Variants in WDR26 observed in about 807,000 individuals in gnomAD.
WDR26 encodes the protein WD repeat domain 26, also known as WD repeat-containing protein 26.
Under a neutral mutation model 84.1 loss-of-function variants are expected in WDR26, and 5 were observed. The observed-to-expected ratio is 0.06, with a 90% CI of 0.03 to 0.13. The LOEUF is 0.13. Ranked by LOEUF, WDR26 falls within the 10% of genes least tolerant of loss-of-function variation. WDR26 has a pLI of 1.00. For synonymous variants in WDR26, 415 were observed against 389.6 expected, an observed-to-expected ratio of 1.07 and a Z score of -0.77; for missense variants, 642 against 974.9, an observed-to-expected ratio of 0.66 and a Z score of 4.55.
At chr1:224,412,762 C>A (rs940812130) in intron 6 of WDR26, 6 of 152,156 alleles carry the variant, frequency 3.9e-5, no homozygotes, top group African/African-American at 1.4e-4. Flanking sequence ...TGAAATGTGG[C>A]CAGTAAGCTG....
chr1:224,415,664 T>C (rs1037485226), intron 6 of WDR26, among the ~76,000 whole-genome samples: 5 of 152,074 alleles, frequency 3.3e-5, no homozygotes, highest in Non-Finnish European at 5.9e-5. Context: ...GGTTACACCA[T>C]TTTAGCCAGG....
chr1:224,423,510 C>A (rs1412460333), intron 4 of WDR26, among the ~76,000 whole-genome samples: 3 of 152,128 alleles, frequency 2.0e-5, no homozygotes, highest in Non-Finnish European at 1.5e-5. Context: ...CCTTGGGAGG[C>A]CGAAGCAGGT....
chr1:224,404,129 G>A (rs1242466190), intron 8 of WDR26, among the ~76,000 whole-genome samples: 1 of 152,160 alleles, frequency 6.6e-6, no homozygotes, highest in African/African-American at 2.4e-5. Flanking sequence ...ATGTACAATT[G>A]TGAAACTATG....
chr1:224,433,840 G>A lies in WDR26; in HGVS notation c.566C>T (p.Ser189Leu), dbSNP rs1558450796. The change falls in exon 1 of 14, where the codon TCA (serine) becomes TTA (leucine). Residue 189 changes from serine (S) to leucine (L), a missense_variant. Physicochemically the swap from Ser to Leu is moderately radical, Grantham distance 145. Transcript: ENST00000414423. ...GGCGGAGGCAGCTGCGACGGTGGCT[G>A]AGGATGCGGCGGCCGCCCCGCCGGG... 3 of 1,536,910 alleles carry A rather than the reference G, an allele frequency of 2.0e-6. No individual in the cohort carries two copies. Among genetic ancestry groups the A allele is most frequent in the Middle Eastern group, 1.7e-4 (1 of 5,986 alleles).
At chr1:224,421,483 G>T in intron 4 of WDR26, among the ~76,000 whole-genome samples, 1 of 152,146 alleles carries the variant, frequency 6.6e-6, no homozygotes, top group East Asian at 1.9e-4. Flanking sequence ...CCAGCTACTT[G>T]GGAGGCTGAG....
intron 1 of WDR26, among the ~76,000 whole-genome samples, chr1:224,433,382 G>C (rs1307151043): frequency 2.6e-5 from 4 of 152,102 alleles, no homozygotes; most frequent in Non-Finnish European, 1.5e-5. Flanking sequence ...ATTAAGCTCT[G>C]AAGGTGCGTG....
intron 11 of WDR26, 141 bp downstream of exon 11, chr1:224,398,374 T>C: frequency 6.3e-6 from 8 of 1,271,680 alleles, no homozygotes; most frequent in South Asian, 1.5e-5. Context: ...TGGTTGATTA[T>C]ACACATTTAA....
At chr1:224,416,563 C>G (rs1349887968) in intron 6 of WDR26, among the ~76,000 whole-genome samples, 1 of 152,140 alleles carries the variant, frequency 6.6e-6, no homozygotes, top group Non-Finnish European at 1.5e-5. Flanking sequence ...AGAGCTTGGT[C>G]CCTGACCTGA....
rs945677011 is a variant in WDR26 at position 224,407,597 on chromosome 1, C to T, written c.1459-3027G>A. Reference sequence around the variant, plus strand: ...AATCTCAATTCATTGCACCCTCCGCCTCCCAGGTTCAAGCAATTCTCCTGC... The same window carrying T: ...AATCTCAATTCATTGCACCCTCCGCTTCCCAGGTTCAAGCAATTCTCCTGC... On this transcript the variant is annotated intron_variant, in intron 7 of 13. Coordinates refer to ENST00000414423, the MANE Select transcript of WDR26 (RefSeq NM_001379403.1). 4.0e-5 allele frequency among the ~76,000 whole-genome samples: 6 copies of T among 151,516 alleles called. No individual in the cohort carries two copies. In the East Asian group the frequency reaches 7.8e-4, roughly 20 times the overall value.
chr1:224,398,305 T>C, intron 11 of WDR26, 79 bp from the exon 12 acceptor site: 1 of 1,521,336 alleles, frequency 6.6e-7, no homozygotes, highest in Non-Finnish European at 8.8e-7. Context: ...AATATCCCTT[T>C]GCCTGATGAA....
At chr1:224,410,694 C>CTTTTTTTT (rs397983007) in intron 7 of WDR26, among the ~76,000 whole-genome samples, 22 of 118,936 alleles carry the variant, frequency 1.8e-4, no homozygotes, top group South Asian at 5.4e-4. Context: ...ATCTTTCTTT[C>CTTTTTTTT]TTTTTTTTTT....
chr1:224,396,999 C>A (rs1445456775), intron 12 of WDR26, among the ~76,000 whole-genome samples: 4 of 152,110 alleles, frequency 2.6e-5, no homozygotes, highest in Non-Finnish European at 4.4e-5. Flanking sequence ...TTAAATATGC[C>A]TTATTCTTAA....
intron 4 of WDR26, among the ~76,000 whole-genome samples, chr1:224,424,079 T>C (rs1674144600): frequency 6.6e-6 from 1 of 152,098 alleles, no homozygotes; most frequent in African/African-American, 2.4e-5. Context: ...CTGATGTTGA[T>C]GTGAGGATTA....
At position 224,398,143 on chromosome 1, in the gene WDR26, T is replaced by G; in HGVS notation, c.2028A>C (p.Ser676=). ...AGTCTTCATTATGGCCTCCAAAACATGAATGAATTGTATAAAACCCTTGTG... is the reference window on the plus strand; with the variant it reads ...AGTCTTCATTATGGCCTCCAAAACAGGAATGAATTGTATAAAACCCTTGTG... The change falls in exon 12 of 14, where the codon TCA becomes TCC. Residue 676 remains serine, a synonymous_variant. Coordinates refer to ENST00000414423, the MANE Select transcript of WDR26 (RefSeq NM_001379403.1). 6.2e-7 allele frequency: 1 copy of G among 1,613,706 alleles called. No individual in the cohort carries two copies. Among genetic ancestry groups the G allele is most frequent in the East Asian group, 2.2e-5 (1 of 44,816 alleles).
chr1:224,433,609 C>CCCCCCCCA, intron 1 of WDR26, 75 bp downstream of exon 1: 1 of 750,716 alleles, frequency 1.3e-6, no homozygotes, highest in Non-Finnish European at 1.8e-6. Context: ...CTCCCCCCTC[C>CCCCCCCCA]GCCCCTTCCC....
intron 3 of WDR26, among the ~76,000 whole-genome samples, chr1:224,427,752 G>A (rs1674270281): frequency 6.6e-6 from 1 of 152,090 alleles, no homozygotes; most frequent in African/African-American, 2.4e-5. Context: ...ATACGATAAG[G>A]GTGGGGAGTA....
chr1:224,421,353 G>A (rs1172960673), intron 4 of WDR26, among the ~76,000 whole-genome samples: 1 of 152,134 alleles, frequency 6.6e-6, no homozygotes, highest in Non-Finnish European at 1.5e-5. Context: ...TGGGAGATGA[G>A]GCAGGAGGAT....
At position 224,388,638 on chromosome 1, in the gene WDR26, CTA is replaced by C. The variant is rs981743139; in HGVS notation, c.*1195_*1196del. On this transcript the variant is annotated 3_prime_UTR_variant, in exon 14 of 14. Transcript: ENST00000414423. ...AAATATTCTTTAAATTTATGTATCC[CTA>C]TATGTCAAAATATTAAGGGCAATTA... 5 of 152,518 alleles carry C rather than the reference CTA, an allele frequency of 3.3e-5. No homozygotes were observed. The highest frequency in any genetic ancestry group is 1.2e-4 in the African/African-American group (5 of 41,412). 9.4% of individuals were successfully genotyped at this position (152,518 alleles called of 1,614,324 possible).
chr1:224,401,130 A>AG, intron 8 of WDR26, 61 bp from the exon 9 acceptor site: 4 of 1,491,536 alleles, frequency 2.7e-6, no homozygotes, highest in African/African-American at 1.4e-5. Context: ...GAATTATGTG[A>AG]GAAAAAAAAA....
Sources: allele counts gnomAD v4.1 joint callset (sites outside exome capture counted in the v4.1 genomes callset), GRCh38; gene constraint gnomAD v4.1.1; transcripts MANE v1.5; gene names NCBI Gene and HGNC (gene_info 2026-07-23, HGNC 2026-07-21).